NEGR1: variants seen among roughly 807,000 people sequenced by gnomAD.
NEGR1 encodes neuronal growth regulator 1, also known as IgLON family member 4.
Under a neutral mutation model 40.9 loss-of-function variants are expected in NEGR1, and 10 were observed. The ratio of observed to expected loss-of-function variants is 0.24; its 90% CI spans 0.15 to 0.42. The LOEUF (loss-of-function observed/expected upper bound fraction) is 0.42. NEGR1 is among the 10% of genes least tolerant of loss of function. NEGR1 has a pLI of 1.00. For missense variants in NEGR1, 352 were observed against 438.9 expected, an observed-to-expected ratio of 0.80 and a Z score of 1.77; for synonymous variants, 185 against 166.8, an observed-to-expected ratio of 1.11 and a Z score of -0.84.
At chr1:72,209,599 C>A (rs1557579763) in intron 1 of NEGR1, among the ~76,000 whole-genome samples, 1 of 151,818 alleles carries the variant, frequency 6.6e-6, no homozygotes, top group East Asian at 1.9e-4. Flanking sequence ...TAAATTTCGA[C>A]AATTTTTATT....
At chr1:71,616,073 C>T (rs1205933923) in intron 4 of NEGR1, among the ~76,000 whole-genome samples, 1 of 152,154 alleles carries the variant, frequency 6.6e-6, no homozygotes, top group African/African-American at 2.4e-5. Flanking sequence ...TTTGTGGGTA[C>T]AGACATGTCT....
intron 6 of NEGR1, chr1:71,421,281 T>G (rs1646392006): frequency 1.3e-5 from 2 of 152,102 alleles, no homozygotes; most frequent in African/African-American, 4.8e-5. Flanking sequence ...CATCAGTTGC[T>G]AAAAGGTACA....
chr1:71,972,965 T>G (rs1256431304), intron 1 of NEGR1, among the ~76,000 whole-genome samples: 2 of 152,180 alleles, frequency 1.3e-5, no homozygotes, highest in Non-Finnish European at 2.9e-5. Context: ...TGTTACAAGA[T>G]TCCCTCGCAG....
At chr1:71,494,591 C>G (rs1422550311) in intron 6 of NEGR1, among the ~76,000 whole-genome samples, 1 of 152,040 alleles carries the variant, frequency 6.6e-6, no homozygotes, top group Non-Finnish European at 1.5e-5. Flanking sequence ...TTATCAAATC[C>G]AAGTTTAGTC....
chr1:72,213,576 TGAG>T (rs1257101420), intron 1 of NEGR1, among the ~76,000 whole-genome samples: 2 of 151,944 alleles, frequency 1.3e-5, no homozygotes, highest in Non-Finnish European at 2.9e-5. Flanking sequence ...TATTATATTA[TGAG>T]GAGAAAGGGG....
chr1:71,600,405 C>T (rs1259396574), intron 5 of NEGR1, among the ~76,000 whole-genome samples: 1 of 152,084 alleles, frequency 6.6e-6, no homozygotes, highest in Non-Finnish European at 1.5e-5. Flanking sequence ...TAGATGTGAG[C>T]CCATGAGGGT....
chr1:71,555,672 T>A lies in NEGR1; in HGVS notation c.940+37145A>T, dbSNP rs17091375. On this transcript the variant is annotated intron_variant, in intron 6 of 6. Transcript: ENST00000357731. ...TTCTTTCCTAAGTCACTCGTGAACA[T>A]AAGGTCAGCAAAGATCCACTGAAAG... Among the ~76,000 whole-genome samples the A allele has an allele frequency of 2.6e-3, 402 of 151,760 alleles. 3 individuals carry two copies. The highest frequency in any genetic ancestry group is 9.0e-3 in the African/African-American group (375 of 41,482).
intron 1 of NEGR1, among the ~76,000 whole-genome samples, chr1:72,264,964 AATT>A (rs1419104110): frequency 6.6e-6 from 1 of 150,692 alleles, no homozygotes; most frequent in Non-Finnish European, 1.5e-5. Context: ...ATAAATTTAT[AATT>A]ATTATAAATT....
At chr1:71,609,941 A>T (rs982799164) in intron 5 of NEGR1, among the ~76,000 whole-genome samples, 7 of 152,102 alleles carry the variant, frequency 4.6e-5, no homozygotes, top group Non-Finnish European at 1.0e-4. Context: ...ACAAGATCTG[A>T]TGGTTTTATA....
chr1:71,806,111 G>T lies in NEGR1; in HGVS notation c.410-29814C>A, dbSNP rs146455957. 1.5e-4 allele frequency among the ~76,000 whole-genome samples: 23 copies of T among 152,140 alleles called. No individual in the cohort carries two copies. The East Asian group carries it at 4.4e-3, about 29-fold the overall frequency. Reference sequence around the variant, plus strand: ...AATACAAAATATTATGAAAAACCATGTCACAATAAACAAAACCTTTGCTTT... The same window carrying T: ...AATACAAAATATTATGAAAAACCATTTCACAATAAACAAAACCTTTGCTTT... On this transcript the variant is annotated intron_variant, in intron 2 of 6. Transcript: ENST00000357731.
chr1:71,574,729 G>T (rs1298435875), intron 6 of NEGR1, among the ~76,000 whole-genome samples: 1 of 152,078 alleles, frequency 6.6e-6, no homozygotes, highest in Non-Finnish European at 1.5e-5. Flanking sequence ...CAAGGGACTT[G>T]GGAACCTCTT....
At chr1:71,524,321 T>A (rs982237855) in intron 6 of NEGR1, among the ~76,000 whole-genome samples, 17 of 144,690 alleles carry the variant, frequency 1.2e-4, no homozygotes, top group African/African-American at 4.5e-4. Flanking sequence ...TAGGAGTGTG[T>A]GTGTGTGTGT....
chr1:71,999,368 G>A (rs1477075982), intron 1 of NEGR1, among the ~76,000 whole-genome samples: 1 of 151,460 alleles, frequency 6.6e-6, no homozygotes, highest in Non-Finnish European at 1.5e-5. Context: ...ATTTTTCAAG[G>A]TAATTGAAAC....
At position 71,482,433 on chromosome 1, in the gene NEGR1, G is replaced by A. The variant is rs965603584; in HGVS notation, c.941-74863C>T. On this transcript the variant is annotated intron_variant, in intron 6 of 6. Transcript: ENST00000357731. Reference sequence around the variant, plus strand: ...AAATAGTGAAGAAATATGTTTACCCGGCTCACAAAATCTTTTTTGATTAAA... The same window carrying A: ...AAATAGTGAAGAAATATGTTTACCCAGCTCACAAAATCTTTTTTGATTAAA... 2.6e-5 allele frequency among the ~76,000 whole-genome samples: 4 copies of A among 151,784 alleles called. No homozygotes were observed. The East Asian group carries it at 5.8e-4, about 22-fold the overall frequency.
chr1:72,117,270 TTAAAC>T (rs1393456560), intron 1 of NEGR1, among the ~76,000 whole-genome samples: 1 of 151,808 alleles, frequency 6.6e-6, no homozygotes, highest in African/African-American at 2.4e-5. Flanking sequence ...TTACTTTTAT[TTAAAC>T]TAGAGATGTT....
At chr1:71,908,829 T>G (rs953203593) in intron 2 of NEGR1, among the ~76,000 whole-genome samples, 1 of 152,208 alleles carries the variant, frequency 6.6e-6, no homozygotes, top group Non-Finnish European at 1.5e-5. Context: ...AATTCTAAAC[T>G]ACTTCCCGTG....
At chr1:72,175,821 T>TATGCCA (rs747093134) in intron 1 of NEGR1, among the ~76,000 whole-genome samples, 1 of 152,122 alleles carries the variant, frequency 6.6e-6, no homozygotes, top group African/African-American at 2.4e-5. Context: ...CGGTTTCTTA[T>TATGCCA]GTTTTTAAAA....
chr1:71,505,275 C>T (rs941381250), intron 6 of NEGR1, among the ~76,000 whole-genome samples: 1 of 152,126 alleles, frequency 6.6e-6, no homozygotes, highest in Middle Eastern at 3.4e-3. Flanking sequence ...CCCCTACACC[C>T]TGTTTCTTTT....
chr1:71,529,610 G>GT (rs1226602367), intron 6 of NEGR1, among the ~76,000 whole-genome samples: 1 of 151,088 alleles, frequency 6.6e-6, no homozygotes, highest in Non-Finnish European at 1.5e-5. Flanking sequence ...GAATGTGTTT[G>GT]TTTTTTTCAA....
Sources: allele counts gnomAD v4.1 joint callset (sites outside exome capture counted in the v4.1 genomes callset), GRCh38; gene constraint gnomAD v4.1.1; transcripts MANE v1.5; gene names NCBI Gene and HGNC (gene_info 2026-07-23, HGNC 2026-07-21).